Variants in SLC10A7 observed in about 807,000 individuals in gnomAD.
SLC10A7 encodes sodium/bile acid cotransporter 7.
Under a neutral mutation model 43.2 loss-of-function variants are expected in SLC10A7, and 29 were observed. The observed-to-expected ratio is 0.67, with a 90% CI of 0.50 to 0.92. SLC10A7 has a LOEUF of 0.92. Ranked by LOEUF, SLC10A7 falls within the 40% of genes least tolerant of loss-of-function variation. SLC10A7 has a pLI of 0.00. For missense variants in SLC10A7, 295 were observed against 403.2 expected, an observed-to-expected ratio of 0.73 and a Z score of 2.30; for synonymous variants, 152 against 144.8, an observed-to-expected ratio of 1.05 and a Z score of -0.35.
chr4:146,289,938 A>T (rs1284874378), intron 9 of SLC10A7, among the ~76,000 whole-genome samples: 1 of 147,978 alleles, frequency 6.8e-6, no homozygotes, highest in African/African-American at 2.5e-5. Flanking sequence ...CTGGTTTTGA[A>T]CTCCTGACCT....
chr4:146,436,498 G>A (rs1027031659), intron 5 of SLC10A7, among the ~76,000 whole-genome samples: 2 of 152,028 alleles, frequency 1.3e-5, no homozygotes, highest in African/African-American at 4.8e-5. Flanking sequence ...TGTTCAGGTT[G>A]CCAGAGTCCC....
intron 5 of SLC10A7, among the ~76,000 whole-genome samples, chr4:146,400,660 C>G (rs1240797998): frequency 6.6e-6 from 1 of 152,080 alleles, no homozygotes; most frequent in East Asian, 1.9e-4. Context: ...GAACCTTCAT[C>G]TGAGACTTGT....
At chr4:146,514,042 T>C (rs902570969) in intron 2 of SLC10A7, 6 of 152,214 alleles carry the variant, frequency 3.9e-5, no homozygotes, top group African/African-American at 1.2e-4. Context: ...AGGGCTCTAA[T>C]TGGGACGTAG....
chr4:146,444,275 T>A (rs1179252211), intron 4 of SLC10A7, among the ~76,000 whole-genome samples: 1 of 152,222 alleles, frequency 6.6e-6, no homozygotes, highest in Non-Finnish European at 1.5e-5. Context: ...TCCTATTTTG[T>A]GCTTAAAACA....
intron 5 of SLC10A7, among the ~76,000 whole-genome samples, chr4:146,355,223 G>A: frequency 6.6e-6 from 1 of 151,962 alleles, no homozygotes; most frequent in Non-Finnish European, 1.5e-5. Flanking sequence ...CAAAAAGTGG[G>A]CAAAGGACAT....
rs912299534 is a variant in SLC10A7, at chr4:146,255,872, A to G, written c.*619T>C. The G allele has an allele frequency of 6.6e-6, 1 of 152,250 alleles. No homozygotes were observed. The highest frequency in any genetic ancestry group is 2.4e-5 in the African/African-American group (1 of 41,452). 9.4% of individuals were successfully genotyped at this position (152,250 alleles called of 1,614,324 possible). A position where few individuals can be genotyped will look rare whatever the true frequency, so the allele number is the denominator to read the frequency against. On this transcript the variant is annotated 3_prime_UTR_variant, in exon 12 of 12. Coordinates refer to ENST00000335472, the MANE Select transcript of SLC10A7 (RefSeq NM_001029998.6). ...AGACCCTTTCTTTGAAGCAGCTTAT[A>G]ATAAATTTAAGACATATAACCACAA...
At chr4:146,451,252 A>AC (rs1731581534) in intron 4 of SLC10A7, among the ~76,000 whole-genome samples, 1 of 145,404 alleles carries the variant, frequency 6.9e-6, no homozygotes, top group South Asian at 2.2e-4. Context: ...AAAAAAAAAC[A>AC]AAAAAAAACC....
At chr4:146,257,416 T>C (rs1727950457) in intron 11 of SLC10A7, among the ~76,000 whole-genome samples, 1 of 152,170 alleles carries the variant, frequency 6.6e-6, no homozygotes, top group Non-Finnish European at 1.5e-5. Context: ...GCAAACCTTC[T>C]AAAAGTGATG....
At chr4:146,389,034 C>G (rs1738221765) in intron 5 of SLC10A7, among the ~76,000 whole-genome samples, 1 of 152,084 alleles carries the variant, frequency 6.6e-6, no homozygotes, top group South Asian at 2.1e-4. Flanking sequence ...ACTCAAACAA[C>G]TCAACTGGAG....
At chr4:146,276,549 AG>A (rs1729218099) in intron 10 of SLC10A7, among the ~76,000 whole-genome samples, 1 of 152,224 alleles carries the variant, frequency 6.6e-6, no homozygotes, top group African/African-American at 2.4e-5. Flanking sequence ...CTGTTACATA[AG>A]CTGAATAAAA....
At chr4:146,330,101 C>A (rs996641768) in intron 5 of SLC10A7, among the ~76,000 whole-genome samples, 10 of 152,166 alleles carry the variant, frequency 6.6e-5, no homozygotes, top group Non-Finnish European at 1.2e-4. Context: ...CCTGAAAAAA[C>A]TTTCAGAAAA....
Position 146,370,910 on chromosome 4 carries a change from C to T in SLC10A7, c.436-44914G>A, listed in dbSNP as rs60028473. 1.4e-4 allele frequency among the ~76,000 whole-genome samples: 22 copies of T among 152,196 alleles called. No homozygotes were observed. The East Asian group carries it at 4.2e-3, about 29-fold the overall frequency. ...CTGATGACTTGAGATATAATCTGTA[C>T]ACTATGAAGAAGGAGAAAGTAAAGT... is the stretch of plus-strand genomic sequence containing the variant. On this transcript the variant is annotated intron_variant, in intron 5 of 11. Transcript: ENST00000335472.
chr4:146,446,862 C>G (rs1460534146), intron 4 of SLC10A7, among the ~76,000 whole-genome samples: 1 of 151,914 alleles, frequency 6.6e-6, no homozygotes, highest in Non-Finnish European at 1.5e-5. Context: ...ATTTTTATCA[C>G]GTGTATATAT....
intron 5 of SLC10A7, among the ~76,000 whole-genome samples, chr4:146,351,672 C>T (rs1398652469): frequency 6.6e-6 from 1 of 151,794 alleles, no homozygotes; most frequent in Non-Finnish European, 1.5e-5. Context: ...GCCCATCAGA[C>T]TAACAGCGGA....
chr4:146,481,393 C>A (rs1445494488), intron 4 of SLC10A7, among the ~76,000 whole-genome samples: 6 of 149,928 alleles, frequency 4.0e-5, no homozygotes, highest in Non-Finnish European at 7.5e-5. Context: ...TCTTACCATG[C>A]CTGGGTCCTT....
chr4:146,482,430 A>G (rs957186237), intron 4 of SLC10A7, among the ~76,000 whole-genome samples: 1 of 152,216 alleles, frequency 6.6e-6, no homozygotes. Context: ...ATCATAAAAA[A>G]TAATCAAACA....
At chr4:146,339,968 C>A (rs1734144348) in intron 5 of SLC10A7, among the ~76,000 whole-genome samples, 1 of 151,470 alleles carries the variant, frequency 6.6e-6, no homozygotes, top group South Asian at 2.1e-4. Flanking sequence ...CTAATGCTCT[C>A]CCTCCCCTTG....
intron 11 of SLC10A7, among the ~76,000 whole-genome samples, chr4:146,258,291 G>T (rs1177973758): frequency 1.3e-5 from 2 of 152,168 alleles, no homozygotes; most frequent in East Asian, 3.9e-4. Flanking sequence ...CCTGGATAAT[G>T]CCAGGTTCTA....
intron 2 of SLC10A7, among the ~76,000 whole-genome samples, chr4:146,516,445 T>A (rs566328080): frequency 4.0e-5 from 6 of 149,206 alleles, no homozygotes; most frequent in Admixed American, 2.7e-4. Context: ...ACACACACTT[T>A]TGACACATAT....
Sources: gnomAD v4.1 joint callset for allele counts (sites outside exome capture counted in the v4.1 genomes callset) on GRCh38, gnomAD v4.1.1 for gene constraint, MANE v1.5 for transcripts, NCBI Gene and HGNC (gene_info 2026-07-23, HGNC 2026-07-21) for gene names.